The following ZAN variants were observed in gnomAD, a reference collection of about 807,000 sequenced individuals.
ZAN encodes the protein zonadhesin, also known as zonadhesin (gene/pseudogene).
In ZAN, 260 loss-of-function variants were observed where a neutral mutation model predicts 286.2. That is an observed-to-expected ratio of 0.91 (90% confidence interval 0.82 to 1.01). The LOEUF (loss-of-function observed/expected upper bound fraction) is 1.01. Among genes scored for constraint, ZAN ranks in the 50% least tolerant of loss-of-function variants. ZAN has a pLI of 0.00. For synonymous variants in ZAN, 1,368 were observed against 1,417.5 expected, an observed-to-expected ratio of 0.97 and a Z score of 0.79; for missense variants, 3,410 against 3,639.2, an observed-to-expected ratio of 0.94 and a Z score of 1.62.
At position 100,762,211 on chromosome 7, in the gene ZAN, CT is replaced by C. The variant is rs200956342; in HGVS notation, c.3843-3del. 986 of 1,612,760 alleles carry C rather than the reference CT, an allele frequency of 6.1e-4. 8 individuals are homozygous for C. The African/African-American group carries it at 0.012, about 19-fold the overall frequency. ...TAACGCCAGCTCCTCTCCTGTTCCC[CT>C]AGCACATACTCTGGCAAACTCTGTG... On this transcript the variant is annotated splice_region_variant and splice_polypyrimidine_tract_variant and intron_variant, in intron 19 of 47. Coordinates refer to ENST00000613979, the MANE Select transcript of ZAN (RefSeq NM_003386.3).
chr7:100,797,600 G>T lies in ZAN; in HGVS notation c.8390G>T (p.Arg2797Ile). The T allele has an allele frequency of 6.2e-7, 1 of 1,613,922 alleles. No homozygotes were observed. Among genetic ancestry groups the T allele is most frequent in the South Asian group, 1.1e-5 (1 of 91,074 alleles). The stretch of plus-strand genomic sequence containing the variant: ...AGAGAGAAAACGCAGGAGGGAGACA[G>T]ACTGGCCAGGCTGGTGGACACAGGT... ...RKREKTQEGD[R>I]LARLVDTDTV... is the part of the protein sequence containing the mutation. The change falls in exon 47 of 48, where the codon AGA (arginine) becomes ATA (isoleucine). Residue 2797 changes from arginine (R) to isoleucine (I), a missense_variant. Arg to Ile is a moderately conservative substitution (Grantham distance 97). This residue lies in a region of ZAN where 1,289 missense variants were observed against 1,314.3 expected (regional missense o/e 0.98). Coordinates refer to ENST00000613979, the MANE Select transcript of ZAN (RefSeq NM_003386.3).
In ZAN at chr7:100,763,995, T is replaced by C. The variant is rs1291661742; in HGVS notation, c.4098-32T>C. 1 of 1,613,674 alleles carries C rather than the reference T, an allele frequency of 6.2e-7. No homozygotes were observed. Among genetic ancestry groups the C allele is most frequent in the Non-Finnish European group, 8.5e-7 (1 of 1,179,768 alleles). The stretch of plus-strand genomic sequence containing the variant: ...CCTCCAAGGCTCTACCCCCTTCCAC[T>C]GCATTCCCCCTGACTTGGTCACTCC... On this transcript the variant is annotated intron_variant, in intron 21 of 47. Transcript: ENST00000613979. This position sits in a 1 kb window ranked among gnomAD's most constrained non-coding sequence, Gnocchi z 4.6.
At chr7:100,759,623 G>GC in intron 17 of ZAN, 98 bp from the exon 18 acceptor site, 20 of 1,415,296 alleles carry the variant, frequency 1.4e-5, no homozygotes, top group South Asian at 7.2e-5. Flanking sequence ...TGTCTCGGTG[G>GC]CGCTCATCTC....
At chr7:100,775,863 G>A (rs1251223605) in intron 33 of ZAN, 30 bp downstream of exon 33, 3 of 1,609,048 alleles carry the variant, frequency 1.9e-6, no homozygotes, top group Admixed American at 1.7e-5. Context: ...CTTCTCGCTG[G>A]GGAGGCAGCC....
rs139229582 is a variant in ZAN at position 100,749,106 on chromosome 7, G to A, written c.1249+636G>A. ...TTTAATTCCAGCACTTTGGGAGGCCGAGGCAGGTGGATCACTTGAGGTCAG... is the reference window on the plus strand; with the variant it reads ...TTTAATTCCAGCACTTTGGGAGGCCAAGGCAGGTGGATCACTTGAGGTCAG... On this transcript the variant is annotated intron_variant, in intron 11 of 47. Transcript: ENST00000613979. 4.2e-3 allele frequency among the ~76,000 whole-genome samples: 640 copies of A among 151,334 alleles called. 7 individuals carry two copies. The highest frequency in any genetic ancestry group is 0.015 in the African/African-American group (616 of 41,222).
chr7:100,754,973 A>G (rs1385482361), intron 14 of ZAN, among the ~76,000 whole-genome samples: 2 of 151,974 alleles, frequency 1.3e-5, no homozygotes, highest in Non-Finnish European at 2.9e-5. Flanking sequence ...TTTGTTTTGT[A>G]GGGATGGGGT....
At position 100,790,995 on chromosome 7, in the gene ZAN, TACG is replaced by T. The variant is rs1457679548; in HGVS notation, c.7414_7416del (p.Asp2472del). 2 of 1,611,102 alleles carry T rather than the reference TACG, an allele frequency of 1.2e-6. No individual in the cohort carries two copies. The highest frequency in any genetic ancestry group is 1.3e-5 in the African/African-American group (1 of 74,590). ...GCTTGTGAGTGGCCTGTGCGGAAAC[TACG>T]ACAAGAACCGCAAGAATGACATGAT... On this transcript the variant is annotated inframe_deletion, in exon 40 of 48. Coordinates refer to ENST00000613979, the MANE Select transcript of ZAN (RefSeq NM_003386.3).
Position 100,750,723 on chromosome 7 carries a change from G to A in ZAN, c.1348G>A (p.Val450Met), listed in dbSNP as rs1189246538. Residue 450 changes from valine to methionine, a missense_variant, in exon 12 of 48, where the codon GTG becomes ATG. This residue lies in a region of ZAN where 872 missense variants were observed against 938.9 expected (regional missense o/e 0.93). Coordinates refer to ENST00000613979, the MANE Select transcript of ZAN (RefSeq NM_003386.3). ...CTTCTGCGCCCCAGGTGACATCTGC[G>A]TGGAGTTCGCATACCACATGTATGG... is the stretch of plus-strand genomic sequence containing the variant. ...RPFCAPGDIC[V>M]EFAYHMYGLG... is the part of the protein sequence containing the mutation. 10 of 1,612,824 alleles carry A rather than the reference G, an allele frequency of 6.2e-6. No individual in the cohort carries two copies. Among genetic ancestry groups the A allele is most frequent in the Admixed American group, 1.7e-5 (1 of 59,768 alleles).
intron 35 of ZAN, among the ~76,000 whole-genome samples, chr7:100,782,198 T>TC (rs1365314764): frequency 1.3e-5 from 2 of 151,880 alleles, no homozygotes; most frequent in Non-Finnish European, 2.9e-5. Context: ...TTGACTTTTT[T>TC]TTTTTTTGCC....
intron 7 of ZAN, among the ~76,000 whole-genome samples, chr7:100,743,325 A>G (rs942647168): frequency 2.6e-5 from 4 of 151,872 alleles, no homozygotes; most frequent in African/African-American, 9.7e-5. Context: ...CCTGGCTGAT[A>G]TTCTTTCTTT....
intron 7 of ZAN, among the ~76,000 whole-genome samples, chr7:100,741,099 C>CGGGGG: frequency 1.8e-5 from 1 of 55,314 alleles, no homozygotes. Flanking sequence ...GCTGGCCGGG[C>CGGGGG]AGGGGGGCTG....
chr7:100,749,133 A>C (rs1307267724), intron 11 of ZAN, among the ~76,000 whole-genome samples: 2 of 151,718 alleles, frequency 1.3e-5, no homozygotes, highest in East Asian at 3.9e-4. Flanking sequence ...TGAGGTCAGG[A>C]GTTCGAGACC....
At chr7:100,750,489 A>G (rs1808575216) in intron 11 of ZAN, 136 bp from the exon 12 acceptor site, 3 of 1,098,116 alleles carry the variant, frequency 2.7e-6, no homozygotes, top group Non-Finnish European at 3.9e-6. Flanking sequence ...TAAAATGAGC[A>G]GAAAAAATAA....
Position 100,765,527 on chromosome 7 carries a change from C to A in ZAN, c.4443C>A (p.Cys1481Ter). Residue 1481 changes from cysteine to a stop codon, truncating the protein, a stop_gained, in exon 23 of 48, where the codon TGC becomes TGA. Transcript: ENST00000613979. LOFTEE classifies it high-confidence loss of function. ...LECIPRSQCG[C>*]LHPAGSYFKV... ...GCATACCTCGCTCCCAGTGTGGGTG[C>A]CTCCACCCTGCAGGCAGCTACTTCA... 6.2e-7 allele frequency: 1 copy of A among 1,608,562 alleles called. No individual in the cohort carries two copies. The highest frequency in any genetic ancestry group is 1.1e-5 in the South Asian group (1 of 89,992).
intron 30 of ZAN, 33 bp downstream of exon 30, chr7:100,773,526 T>C (rs1467810177): frequency 6.2e-7 from 1 of 1,607,280 alleles, no homozygotes. Context: ...CCCCGCCCTT[T>C]CCAGGCCCAC....
intron 11 of ZAN, among the ~76,000 whole-genome samples, chr7:100,749,518 T>TA (rs1808474210): frequency 5.3e-5 from 8 of 151,218 alleles, no homozygotes; most frequent in Admixed American, 5.3e-4. Flanking sequence ...TGGGCGCCTG[T>TA]AGTCCCAGCT....
At chr7:100,750,005 C>T (rs1238933877) in intron 11 of ZAN, among the ~76,000 whole-genome samples, 1 of 139,968 alleles carries the variant, frequency 7.1e-6, no homozygotes, top group African/African-American at 2.6e-5. Context: ...GAGCTGAGAT[C>T]GTGTCACTGC....
intron 7 of ZAN, among the ~76,000 whole-genome samples, chr7:100,743,709 T>G (rs1211877892): frequency 6.6e-6 from 1 of 151,228 alleles, no homozygotes; most frequent in Admixed American, 6.6e-5. Flanking sequence ...AGATCTTGTC[T>G]CTACAAAAAA....
Position 100,779,530 on chromosome 7 carries a change from C to T in ZAN, c.6402C>T (p.Leu2134=), listed in dbSNP as rs1195698952. 2 of 1,612,366 alleles carry T rather than the reference C, an allele frequency of 1.2e-6. No individual in the cohort carries two copies. The highest frequency in any genetic ancestry group is 1.6e-4 in the Middle Eastern group (1 of 6,062). ...GTGGAAACTGCAGGGCGGCCGACCT[C>T]CGCAGGGCGCGGGAAAAGTGCGAGG... ...NPSGNCRAAD[L]RRAREKCEAA... Residue 2134 remains leucine (L), a synonymous_variant, in exon 35 of 48, where the codon CTC becomes CTT. Transcript: ENST00000613979.
Sources: allele counts gnomAD v4.1 joint callset (sites outside exome capture counted in the v4.1 genomes callset), GRCh38; gene constraint gnomAD v4.1.1; regional missense constraint gnomAD v4.1.1; non-coding constraint Gnocchi (gnomAD v3.1); transcripts MANE v1.5; gene names NCBI Gene and HGNC (gene_info 2026-07-23, HGNC 2026-07-21).